Variants in MAP3K4 observed in about 807,000 individuals in gnomAD.
MAP3K4 encodes MAP three kinase 1.
Under a neutral mutation model 185.6 loss-of-function variants are expected in MAP3K4, and 67 were observed. The observed-to-expected ratio is 0.36, with a 90% CI of 0.30 to 0.44. MAP3K4 has a LOEUF of 0.44. MAP3K4 is among the 20% of genes least tolerant of loss of function. The pLI is 1.00. For missense variants in MAP3K4, 1,551 were observed against 1,995.1 expected (o/e 0.78, Z 4.24); for synonymous variants, 702 against 710.4 (o/e 0.99, Z 0.19).
chr6:161,076,268 G>C lies in MAP3K4; in HGVS notation c.2097+2656G>C, dbSNP rs1252481861. Among the ~76,000 whole-genome samples, 1 of 152,182 alleles carries C rather than the reference G, an allele frequency of 6.6e-6. No homozygotes were observed. The highest frequency in any genetic ancestry group is 1.5e-5 in the Non-Finnish European group (1 of 68,030). On this transcript the variant is annotated intron_variant, in intron 5 of 26. Coordinates refer to ENST00000392142, the MANE Select transcript of MAP3K4 (RefSeq NM_005922.4). This position sits in a 1 kb window ranked among gnomAD's most constrained non-coding sequence, Gnocchi z 4.2. ...CTGAGCCTGTCTCTCCAGGGATTCT[G>C]TTGTTGACTGAAGAGCTGCCCGACA...
At chr6:161,026,258 G>T (rs1030192745) in intron 1 of MAP3K4, among the ~76,000 whole-genome samples, 2 of 151,784 alleles carry the variant, frequency 1.3e-5, no homozygotes, top group Non-Finnish European at 2.9e-5. Context: ...AGCCTCCCGA[G>T]TAGCTGGGAT....
chr6:161,106,157 G>C lies in MAP3K4; in HGVS notation c.3857-357G>C, dbSNP rs531263727. On this transcript the variant is annotated intron_variant, in intron 19 of 26. Coordinates refer to ENST00000392142, the MANE Select transcript of MAP3K4 (RefSeq NM_005922.4). This position sits in a 1 kb window ranked among gnomAD's most constrained non-coding sequence, Gnocchi z 4.9. ...GGCCTCGTGAATTAAATTTATGTAG[G>C]ACAGTAACATGATCACATTTTATGT... Among the ~76,000 whole-genome samples, 1 of 152,088 alleles carries C rather than the reference G, an allele frequency of 6.6e-6. No homozygotes were observed. The highest frequency in any genetic ancestry group is 1.9e-4 in the East Asian group (1 of 5,192).
rs190399385 is a variant in MAP3K4, at chr6:161,048,570, A to G, written c.344-46A>G. The G allele has an allele frequency of 4.8e-6, 6 of 1,259,404 alleles. No individual in the cohort carries two copies. The highest frequency in any genetic ancestry group is 1.5e-5 in the African/African-American group (1 of 65,282). 78.0% of individuals were successfully genotyped at this position (1,259,404 alleles called of 1,614,324 possible). ...TATTGAAAATATTGAGAGTAGCTTC[A>G]TATTTTAGAGTTATATAATGTTCTG... is the stretch of plus-strand genomic sequence containing the variant. On this transcript the variant is annotated intron_variant, in intron 2 of 26. Transcript: ENST00000392142. The surrounding 1 kb of genome is among the most constrained non-coding windows in gnomAD (Gnocchi z 4.7).
rs775777877 is a variant in MAP3K4 at position 161,091,419 on chromosome 6, T to C, written c.3014T>C (p.Ile1005Thr). 3.1e-6 allele frequency: 5 copies of C among 1,614,004 alleles called. No individual in the cohort carries two copies. Among genetic ancestry groups the C allele is most frequent in the African/African-American group, 1.3e-5 (1 of 74,938 alleles). Residue 1005 changes from isoleucine (I) to threonine (T), a missense_variant, in exon 12 of 27, where the codon ATT becomes ACT. Physicochemically the swap from Ile to Thr is moderately conservative, Grantham distance 89. This residue lies in a region of MAP3K4 where 261 missense variants were observed against 306.5 expected (regional missense o/e 0.85). Transcript: ENST00000392142. This position sits in a 1 kb window ranked among gnomAD's most constrained non-coding sequence, Gnocchi z 5.5. ...CTATGCAACAGGATAAGCAATGCCA[T>C]TGACCGCGTGGACCACATGTTCACA... ...LELCNRISNA[I>T]DRVDHMFTSE...
intron 4 of MAP3K4, among the ~76,000 whole-genome samples, chr6:161,072,091 C>G (rs1222696587): frequency 6.6e-6 from 1 of 152,160 alleles, no homozygotes; most frequent in Non-Finnish European, 1.5e-5. Context: ...ATTCAAAGAT[C>G]AGTTACAAGC....
At chr6:161,031,819 A>G (rs1782943454) in intron 1 of MAP3K4, among the ~76,000 whole-genome samples, 2 of 152,214 alleles carry the variant, frequency 1.3e-5, no homozygotes, top group South Asian at 4.1e-4. Context: ...TCTTAGAAAG[A>G]TTCAATAATG....
At position 161,094,284 on chromosome 6, in the gene MAP3K4, T is replaced by G. The variant is rs141057716; in HGVS notation, c.3427+433T>G. ...AGAGCAGTGTCCATTTCTCCACAGCTTTCCCAAGTACCCATCTTCCCACCA... is the reference window on the plus strand; with the variant it reads ...AGAGCAGTGTCCATTTCTCCACAGCGTTCCCAAGTACCCATCTTCCCACCA... On this transcript the variant is annotated intron_variant, in intron 15 of 26. Coordinates refer to ENST00000392142, the MANE Select transcript of MAP3K4 (RefSeq NM_005922.4). Among the ~76,000 whole-genome samples, 88 of 152,324 alleles carry G rather than the reference T, an allele frequency of 5.8e-4. No homozygotes were observed. The East Asian group carries it at 0.014, about 24-fold the overall frequency.
intron 1 of MAP3K4, among the ~76,000 whole-genome samples, chr6:161,003,613 A>G (rs1469946956): frequency 1.3e-5 from 2 of 152,184 alleles, no homozygotes; most frequent in Non-Finnish European, 2.9e-5. Context: ...GAAGACAGGC[A>G]CTGTGGCCTG....
chr6:161,012,480 G>T (rs1333243836), intron 1 of MAP3K4, among the ~76,000 whole-genome samples: 1 of 152,130 alleles, frequency 6.6e-6, no homozygotes, highest in Non-Finnish European at 1.5e-5. Flanking sequence ...TATAATTCAT[G>T]GTCTGGTGCA....
chr6:161,113,852 A>G (rs1427583792), intron 25 of MAP3K4, among the ~76,000 whole-genome samples: 1 of 124,390 alleles, frequency 8.0e-6, no homozygotes, highest in African/African-American at 3.2e-5. Flanking sequence ...GCAGGAGTGC[A>G]AGTGGCATGA....
chr6:161,026,322 A>T (rs1042754765), intron 1 of MAP3K4, among the ~76,000 whole-genome samples: 15 of 151,930 alleles, frequency 9.9e-5, no homozygotes, highest in Non-Finnish European at 1.8e-4. Flanking sequence ...TGTTTAGTAA[A>T]GACGGGGTTT....
chr6:161,028,113 C>G (rs1370963298), intron 1 of MAP3K4, among the ~76,000 whole-genome samples: 1 of 152,208 alleles, frequency 6.6e-6, no homozygotes, highest in Non-Finnish European at 1.5e-5. Flanking sequence ...AAAGTCATTC[C>G]ACATTCAAGC....
chr6:161,047,475 AACG>A (rs1783787107), intron 2 of MAP3K4, among the ~76,000 whole-genome samples: 4 of 152,170 alleles, frequency 2.6e-5, no homozygotes, highest in African/African-American at 4.8e-5. Context: ...GATTATATAT[AACG>A]TTCTAATTTC....
rs1300399715 is a variant in MAP3K4, at chr6:161,087,402, C to T, written c.2557-286C>T. Among the ~76,000 whole-genome samples, 1 of 152,188 alleles carries T rather than the reference C, an allele frequency of 6.6e-6. No individual in the cohort carries two copies. The highest frequency in any genetic ancestry group is 2.4e-5 in the African/African-American group (1 of 41,446). On this transcript the variant is annotated intron_variant, in intron 9 of 26. Transcript: ENST00000392142. This position sits in a 1 kb window ranked among gnomAD's most constrained non-coding sequence, Gnocchi z 4.9. Reference sequence around the variant, plus strand: ...GAGGTTCTTTCAGGCTGCCTTGCCTCCCCGTCGAGTATTTTCTTTGTTGTT... The same window carrying T: ...GAGGTTCTTTCAGGCTGCCTTGCCTTCCCGTCGAGTATTTTCTTTGTTGTT...
At chr6:161,000,135 A>G (rs191923192) in intron 1 of MAP3K4, among the ~76,000 whole-genome samples, 1 of 152,336 alleles carries the variant, frequency 6.6e-6, no homozygotes, top group Admixed American at 6.5e-5. Flanking sequence ...CCTTATAACC[A>G]AAAGAAAACA....
Position 161,048,336 on chromosome 6 carries a change from T to G in MAP3K4, c.344-280T>G. ...TGGTTAAATGATTTGATAACTATGC[T>G]TTGTAGCATAGAGAGAAATAAACAG... On this transcript the variant is annotated intron_variant, in intron 2 of 26. Transcript: ENST00000392142. The surrounding 1 kb of genome is among the most constrained non-coding windows in gnomAD (Gnocchi z 4.7). 1.6e-6 allele frequency: 1 copy of G among 620,492 alleles called. No homozygotes were observed. The highest frequency in any genetic ancestry group is 2.7e-4 in the Middle Eastern group (1 of 3,640). The allele number at this position is 620,492 out of a possible 1,614,324, so 38.4% of individuals were successfully genotyped here.
rs1247030222 is a variant in MAP3K4, at chr6:161,062,836, A to G, written c.1708-7772A>G. Among the ~76,000 whole-genome samples the G allele has an allele frequency of 2.6e-4, 39 of 152,202 alleles. 1 individual carries two copies. The highest frequency in any genetic ancestry group is 2.5e-3 in the Admixed American group (38 of 15,272). On this transcript the variant is annotated intron_variant, in intron 3 of 26. Transcript: ENST00000392142. ...GGTTTTTCCAATTTGATATTTTCAG[A>G]TACATGGTGTACACTTTGAATAAAT...
chr6:161,071,384 A>G lies in MAP3K4; in HGVS notation c.1950+534A>G, dbSNP rs1784936574. ...GGAAGCAGTTGTATCCAGCAGAGTG[A>G]GTGCTGAAGAGGGTCTGTATTTATT... On this transcript the variant is annotated intron_variant, in intron 4 of 26. Transcript: ENST00000392142. The surrounding 1 kb of genome is among the most constrained non-coding windows in gnomAD (Gnocchi z 4.6). Among the ~76,000 whole-genome samples the G allele has an allele frequency of 6.6e-6, 1 of 152,164 alleles. No homozygotes were observed. Among genetic ancestry groups the G allele is most frequent in the South Asian group, 2.1e-4 (1 of 4,812 alleles).
intron 5 of MAP3K4, among the ~76,000 whole-genome samples, chr6:161,078,477 A>T (rs781179857): frequency 2.0e-5 from 3 of 152,262 alleles, no homozygotes; most frequent in Non-Finnish European, 2.9e-5. Flanking sequence ...TGTGAGTTGC[A>T]GAAAGATGAG....
Sources: allele counts gnomAD v4.1 joint callset (sites outside exome capture counted in the v4.1 genomes callset), GRCh38; gene constraint gnomAD v4.1.1; regional missense constraint gnomAD v4.1.1; non-coding constraint Gnocchi (gnomAD v3.1); transcripts MANE v1.5; gene names NCBI Gene and HGNC (gene_info 2026-07-23, HGNC 2026-07-21).